SH3RF3: variants seen among roughly 807,000 people sequenced by gnomAD.
SH3RF3 encodes the protein E3 ubiquitin-protein ligase SH3RF3.
In SH3RF3, 29 loss-of-function variants were observed where a neutral mutation model predicts 66.3. That is an observed-to-expected ratio of 0.44 (90% CI 0.33 to 0.60). The LOEUF is 0.60. Ranked by LOEUF, SH3RF3 falls within the 20% of genes least tolerant of loss-of-function variation. The probability of loss-of-function intolerance (pLI) is 0.04; values close to 1 mark genes in which losing one functional copy is unlikely to be tolerated. For synonymous variants in SH3RF3, 583 were observed against 532.0 expected (o/e 1.10, Z -1.32); for missense variants, 1,194 against 1,190.9 (o/e 1.00, Z -0.04).
chr2:109,135,914 G>A (rs573952311), intron 1 of SH3RF3, among the ~76,000 whole-genome samples: 1 of 152,196 alleles, frequency 6.6e-6, no homozygotes, highest in Non-Finnish European at 1.5e-5. Context: ...TAAAAAAACA[G>A]CAGGGGAGAA....
intron 1 of SH3RF3, among the ~76,000 whole-genome samples, chr2:109,337,955 C>T (rs958766105): frequency 5.3e-5 from 8 of 151,996 alleles, no homozygotes; most frequent in Non-Finnish European, 1.2e-4. Flanking sequence ...TGGTCTGGAA[C>T]TCCTGAGTTC....
chr2:109,403,859 G>A (rs1676379559), intron 4 of SH3RF3, among the ~76,000 whole-genome samples: 1 of 152,230 alleles, frequency 6.6e-6, no homozygotes, highest in African/African-American at 2.4e-5. Flanking sequence ...CTACCTGTCT[G>A]TGGAATGGAG....
intron 8 of SH3RF3, among the ~76,000 whole-genome samples, chr2:109,465,804 T>G (rs2104702294): frequency 6.6e-6 from 1 of 152,182 alleles, no homozygotes; most frequent in Admixed American, 6.5e-5. Flanking sequence ...GGAGGTGCTA[T>G]ACACCTTTAA....
chr2:109,497,353 ACT>A (rs1220711511), intron 9 of SH3RF3, among the ~76,000 whole-genome samples: 1 of 152,102 alleles, frequency 6.6e-6, no homozygotes, highest in Non-Finnish European at 1.5e-5. Flanking sequence ...CACTTTGCAG[ACT>A]CTGTTGTCAG....
intron 1 of SH3RF3, among the ~76,000 whole-genome samples, chr2:109,246,262 T>A (rs1574526196): frequency 6.6e-6 from 1 of 152,170 alleles, no homozygotes; most frequent in Non-Finnish European, 1.5e-5. Flanking sequence ...TAGACGCTGG[T>A]CGTCCAAGAT....
chr2:109,245,173 G>C (rs1289628815), intron 1 of SH3RF3, among the ~76,000 whole-genome samples: 1 of 152,154 alleles, frequency 6.6e-6, no homozygotes, highest in African/African-American at 2.4e-5. Flanking sequence ...TTGGGTTCTT[G>C]CCATGTGGCT....
intron 3 of SH3RF3, among the ~76,000 whole-genome samples, chr2:109,378,993 C>G (rs1683451923): frequency 6.6e-6 from 1 of 152,200 alleles, no homozygotes; most frequent in Non-Finnish European, 1.5e-5. Flanking sequence ...CATCCTGTAG[C>G]CACTGTGGCT....
intron 8 of SH3RF3, among the ~76,000 whole-genome samples, chr2:109,474,734 G>A (rs1167238556): frequency 1.3e-5 from 2 of 152,188 alleles, no homozygotes; most frequent in Non-Finnish European, 2.9e-5. Context: ...AGGAAACAGT[G>A]GGGCAGAGCC....
At chr2:109,381,379 A>G (rs1325598703) in intron 3 of SH3RF3, among the ~76,000 whole-genome samples, 1 of 152,120 alleles carries the variant, frequency 6.6e-6, no homozygotes, top group African/African-American at 2.4e-5. Context: ...TGGCGGGGTT[A>G]CTTTTACACC....
At position 109,129,918 on chromosome 2, in the gene SH3RF3, C is replaced by T. The variant is rs1676645319; in HGVS notation, c.378C>T (p.Arg126=). The change falls in exon 1 of 10, where the codon CGC becomes CGT. Residue 126 remains arginine, a synonymous_variant. Coordinates refer to ENST00000309415, the MANE Select transcript of SH3RF3 (RefSeq NM_001099289.3). The part of the protein sequence containing the change: ...RLLDGIRQRP[R]AGTSPGGSPP... ...TGGACGGCATCCGTCAGCGGCCCCG[C>T]GCGGGCACCAGCCCCGGCGGCAGCC... 6 of 1,501,056 alleles carry T rather than the reference C, an allele frequency of 4.0e-6. No individual in the cohort carries two copies. In the East Asian group the frequency reaches 8.2e-5, roughly 20 times the overall value. The allele number at this position is 1,501,056 out of a possible 1,614,324, so 93.0% of individuals were successfully genotyped here. A position where few individuals can be genotyped will look rare whatever the true frequency, so the allele number is the denominator to read the frequency against.
chr2:109,432,765 G>T, intron 6 of SH3RF3, 94 bp downstream of exon 6: 1 of 1,458,962 alleles, frequency 6.9e-7, no homozygotes, highest in Non-Finnish European at 9.1e-7. Context: ...TCTGTCAGCC[G>T]GGCCCAGAAG....
chr2:109,196,398 G>C (rs115147053), intron 1 of SH3RF3, among the ~76,000 whole-genome samples: 2 of 152,204 alleles, frequency 1.3e-5, no homozygotes, highest in Admixed American at 6.5e-5. Flanking sequence ...ATTTAATCCC[G>C]TGGCGGGCAG....
At chr2:109,268,944 T>C (rs1247499708) in intron 1 of SH3RF3, among the ~76,000 whole-genome samples, 1 of 152,206 alleles carries the variant, frequency 6.6e-6, no homozygotes, top group Non-Finnish European at 1.5e-5. Flanking sequence ...AGCATCTGTA[T>C]CTTTTTCCGT....
chr2:109,402,722 A>G (rs1676348042), intron 4 of SH3RF3, among the ~76,000 whole-genome samples: 1 of 152,158 alleles, frequency 6.6e-6, no homozygotes, highest in Admixed American at 6.5e-5. Flanking sequence ...CAGGATGGTG[A>G]AGTGTACAAG....
chr2:109,466,821 G>A (rs1401120463), intron 8 of SH3RF3, among the ~76,000 whole-genome samples: 2 of 152,058 alleles, frequency 1.3e-5, no homozygotes, highest in African/African-American at 4.8e-5. Context: ...GTCTATATGT[G>A]TGTATGTGTA....
chr2:109,488,711 C>CG (rs1679046846), intron 8 of SH3RF3, among the ~76,000 whole-genome samples: 1 of 152,210 alleles, frequency 6.6e-6, no homozygotes, highest in East Asian at 1.9e-4. Context: ...GAACTAGACT[C>CG]GGGAAACACC....
chr2:109,132,078 G>C (rs1359434386), intron 1 of SH3RF3, among the ~76,000 whole-genome samples: 1 of 152,190 alleles, frequency 6.6e-6, no homozygotes, highest in Non-Finnish European at 1.5e-5. Context: ...CTGTCCATTG[G>C]AATTGCTTGA....
At chr2:109,161,707 C>T (rs953751186) in intron 1 of SH3RF3, among the ~76,000 whole-genome samples, 2 of 151,804 alleles carry the variant, frequency 1.3e-5, no homozygotes, top group South Asian at 4.2e-4. Context: ...GAGAGGAAGC[C>T]GGGAGCAGGA....
intron 3 of SH3RF3, among the ~76,000 whole-genome samples, chr2:109,390,605 G>T (rs1265147134): frequency 6.6e-6 from 1 of 152,236 alleles, no homozygotes; most frequent in Non-Finnish European, 1.5e-5. Context: ...CAGGGAGGAA[G>T]AAGGGTGACA....
Sources: gnomAD v4.1 joint callset for allele counts (sites outside exome capture counted in the v4.1 genomes callset) on GRCh38, gnomAD v4.1.1 for gene constraint, MANE v1.5 for transcripts, NCBI Gene and HGNC (gene_info 2026-07-23, HGNC 2026-07-21) for gene names.